Variants in FLI1 observed in about 807,000 individuals in gnomAD.
FLI1 encodes the protein Fli-1 proto-oncogene, ETS transcription factor.
Under a neutral mutation model 53.1 loss-of-function variants are expected in FLI1, and 13 were observed. That is an observed-to-expected ratio of 0.24 (90% confidence interval 0.16 to 0.39). FLI1 has a LOEUF of 0.39. Among genes scored for constraint, FLI1 ranks in the 10% least tolerant of loss-of-function variants. The probability of loss-of-function intolerance (pLI) is 1.00; values close to 1 mark genes in which losing one functional copy is unlikely to be tolerated. For missense variants in FLI1, 424 were observed against 600.5 expected (o/e 0.71, Z 3.07); for synonymous variants, 244 against 236.7 (o/e 1.03, Z -0.28).
At chr11:128,707,986 G>A (rs1938623151) in intron 1 of FLI1, among the ~76,000 whole-genome samples, 1 of 152,114 alleles carries the variant, frequency 6.6e-6, no homozygotes, top group Non-Finnish European at 1.5e-5. Flanking sequence ...TCAGACATTT[G>A]CATGCTTAAC....
At chr11:128,695,677 GAGC>G (rs1338827673) in intron 1 of FLI1, among the ~76,000 whole-genome samples, 1 of 152,162 alleles carries the variant, frequency 6.6e-6, no homozygotes, top group African/African-American at 2.4e-5. Context: ...GGGTTAAAGG[GAGC>G]TATAAGAGCC....
At chr11:128,784,261 T>A (rs1942016159) in intron 5 of FLI1, among the ~76,000 whole-genome samples, 1 of 99,344 alleles carries the variant, frequency 1.0e-5, no homozygotes, top group Non-Finnish European at 2.0e-5. Flanking sequence ...CTCCTCCTCC[T>A]CCTCCTCCTG....
intron 1 of FLI1, among the ~76,000 whole-genome samples, chr11:128,733,120 G>T (rs569892851): frequency 1.3e-5 from 2 of 152,160 alleles, no homozygotes; most frequent in Non-Finnish European, 2.9e-5. Flanking sequence ...AGCTCCAAGG[G>T]AAAGGGCCGC....
intron 1 of FLI1, among the ~76,000 whole-genome samples, chr11:128,731,735 G>A (rs538317924): frequency 5.9e-5 from 9 of 152,272 alleles, no homozygotes; most frequent in Non-Finnish European, 1.0e-4. Context: ...GGGGCGCAGC[G>A]GCTCAGGCCT....
At chr11:128,801,231 G>A (rs957519241) in intron 5 of FLI1, among the ~76,000 whole-genome samples, 21 of 152,210 alleles carry the variant, frequency 1.4e-4, no homozygotes, top group African/African-American at 4.8e-4. Flanking sequence ...ATGCGCTGAC[G>A]GAGAGTCGGG....
intron 3 of FLI1, among the ~76,000 whole-genome samples, chr11:128,772,068 ACACACAC>A (rs1941584592): frequency 2.1e-5 from 3 of 146,318 alleles, no homozygotes; most frequent in African/African-American, 7.6e-5. Context: ...ACACACACAC[ACACACAC>A]ACATACACAC....
At chr11:128,779,907 G>A (rs1941856205) in intron 4 of FLI1, among the ~76,000 whole-genome samples, 1 of 152,166 alleles carries the variant, frequency 6.6e-6, no homozygotes, top group Non-Finnish European at 1.5e-5. Context: ...GTGGCTCCTA[G>A]CTTACTAAGC....
At chr11:128,689,349 C>G (rs960436101), upstream of FLI1, among the ~76,000 whole-genome samples, 1 of 152,198 alleles carries the variant, frequency 6.6e-6, no homozygotes, top group African/African-American at 2.4e-5. Context: ...GCTTCTCGCC[C>G]GTCCTCCGCC....
chr11:128,806,960 C>T (rs988889330), intron 6 of FLI1: 9 of 391,982 alleles, frequency 2.3e-5, no homozygotes, highest in Non-Finnish European at 4.1e-5. Context: ...CATTGGAATG[C>T]GAGTTCTACC....
rs373199486 is a variant in FLI1 at position 128,807,947 on chromosome 11, T to C, written c.781+708T>C. 5.3e-4 allele frequency among the ~76,000 whole-genome samples: 80 copies of C among 152,306 alleles called. No homozygotes were observed. In the South Asian group the frequency reaches 0.016, roughly 30 times the overall value. On this transcript the variant is annotated intron_variant, in intron 7 of 8. Transcript: ENST00000527786. ...GCCCAAGCCCCAGCTCCTCTCTCTA[T>C]CTTCTTATGTGATGCAGCTGAGATG... is the stretch of plus-strand genomic sequence containing the variant.
intron 1 of FLI1, among the ~76,000 whole-genome samples, chr11:128,752,464 G>C (rs1274344615): frequency 6.6e-6 from 1 of 152,172 alleles, no homozygotes; most frequent in Non-Finnish European, 1.5e-5. Flanking sequence ...GATGAAGCTT[G>C]GATAGAAACT....
intron 1 of FLI1, chr11:128,696,167 A>C (rs78983534): frequency 0.016 from 2,497 of 152,338 alleles, 22 homozygotes; most frequent in Non-Finnish European, 0.026. Flanking sequence ...ATGGGAGTGA[A>C]AGTCCTTCCT....
At chr11:128,706,473 A>G (rs1360132339) in intron 1 of FLI1, among the ~76,000 whole-genome samples, 2 of 152,138 alleles carry the variant, frequency 1.3e-5, no homozygotes, top group Non-Finnish European at 2.9e-5. Context: ...CCTATCACAC[A>G]TTGCCAACTT....
chr11:128,793,701 C>A (rs1942345677), intron 5 of FLI1, among the ~76,000 whole-genome samples: 1 of 152,196 alleles, frequency 6.6e-6, no homozygotes, highest in Non-Finnish European at 1.5e-5. Flanking sequence ...TAAATGCACC[C>A]TGAATAAATC....
intron 1 of FLI1, among the ~76,000 whole-genome samples, chr11:128,743,092 G>A (rs961771586): frequency 4.6e-5 from 7 of 152,116 alleles, no homozygotes; most frequent in Admixed American, 2.0e-4. Flanking sequence ...GTAGCAGTGC[G>A]AGAACTGGGA....
At chr11:128,783,686 T>C (rs1941994330) in intron 5 of FLI1, among the ~76,000 whole-genome samples, 1 of 152,210 alleles carries the variant, frequency 6.6e-6, no homozygotes, top group Non-Finnish European at 1.5e-5. Flanking sequence ...AGAAAACCAC[T>C]TCAGGCCCTG....
At chr11:128,746,118 T>C (rs1039637824) in intron 1 of FLI1, among the ~76,000 whole-genome samples, 1 of 152,134 alleles carries the variant, frequency 6.6e-6, no homozygotes, top group Non-Finnish European at 1.5e-5. Context: ...GTAGTCTGGC[T>C]GGTGTGGAGG....
intron 1 of FLI1, among the ~76,000 whole-genome samples, chr11:128,740,407 A>C (rs1375174789): frequency 6.6e-6 from 1 of 152,232 alleles, no homozygotes; most frequent in Admixed American, 6.5e-5. Context: ...ATTAAGTCAG[A>C]GAAATCCTTA....
chr11:128,784,851 C>A, intron 5 of FLI1, among the ~76,000 whole-genome samples: 1 of 150,722 alleles, frequency 6.6e-6, no homozygotes, highest in East Asian at 1.9e-4. Flanking sequence ...ATCAAGAGCA[C>A]CAGAGCTGTG....
Sources: allele counts gnomAD v4.1 joint callset (sites outside exome capture counted in the v4.1 genomes callset), GRCh38; gene constraint gnomAD v4.1.1; transcripts MANE v1.5; gene names NCBI Gene and HGNC (gene_info 2026-07-23, HGNC 2026-07-21).